Variants in CACNG6 observed in about 807,000 individuals in gnomAD.
CACNG6 encodes the protein voltage-dependent calcium channel gamma-6 subunit.
CACNG6 carries 21 observed loss-of-function variants against 23.9 expected under a neutral mutation model. The observed-to-expected ratio is 0.88, with a 90% CI of 0.62 to 1.26. The LOEUF (loss-of-function observed/expected upper bound fraction) is 1.26, where lower values mean the gene tolerates loss of function less well. Ranked by LOEUF, CACNG6 falls within the 50% of genes most tolerant of loss-of-function variation. The probability of loss-of-function intolerance (pLI) is 0.00; values close to 1 mark genes in which losing one functional copy is unlikely to be tolerated. For missense variants in CACNG6, 340 were observed against 352.9 expected, an observed-to-expected ratio of 0.96 and a Z score of 0.29; for synonymous variants, 182 against 168.9, an observed-to-expected ratio of 1.08 and a Z score of -0.60.
intron 3 of CACNG6, among the ~76,000 whole-genome samples, chr19:54,003,475 C>T (rs1414932409): frequency 6.6e-6 from 1 of 152,108 alleles, no homozygotes. Flanking sequence ...ATTCTCCTGC[C>T]ACAGCCTCGG....
At position 53,993,054 on chromosome 19, in the gene CACNG6, C is replaced by A; in HGVS notation, c.177C>A (p.Thr59=). 6.6e-7 allele frequency: 1 copy of A among 1,510,446 alleles called. No individual in the cohort carries two copies. Among genetic ancestry groups the A allele is most frequent in the Non-Finnish European group, 8.9e-7 (1 of 1,129,474 alleles). 93.6% of individuals were successfully genotyped at this position (1,510,446 alleles called of 1,614,324 possible). ...CGCTGGCGGTGCTGTCCGTGGGCACCGAGTTCTGGGTGGAGCTCAACACCT... is the reference window on the plus strand; with the variant it reads ...CGCTGGCGGTGCTGTCCGTGGGCACAGAGTTCTGGGTGGAGCTCAACACCT... ...GATLAVLSVG[T]EFWVELNTYK... Residue 59 remains threonine (T), a synonymous_variant, in exon 1 of 4, where the codon ACC becomes ACA. Coordinates refer to ENST00000252729, the MANE Select transcript of CACNG6 (RefSeq NM_145814.2).
At chr19:54,004,961 CAACACTTTGGGAGGCCGAGGCAG>C (rs148719750) in intron 3 of CACNG6, among the ~76,000 whole-genome samples, 3,915 of 151,842 alleles carry the variant, frequency 0.026, 172 homozygotes, top group African/African-American at 0.089. Context: ...CCTGTAATCC[CAACACTTTGGGAGGCCGAGGCAG>C]GTGGCTCACA....
intron 1 of CACNG6, among the ~76,000 whole-genome samples, chr19:53,994,692 T>G (rs1419257141): frequency 6.6e-6 from 1 of 152,162 alleles, no homozygotes; most frequent in Non-Finnish European, 1.5e-5. Flanking sequence ...CGTATGAGAT[T>G]TCCCTCGTCC....
At chr19:54,010,040 C>CTTTT (rs34229634) in intron 3 of CACNG6, among the ~76,000 whole-genome samples, 22 of 125,352 alleles carry the variant, frequency 1.8e-4, no homozygotes, top group African/African-American at 2.3e-4. Flanking sequence ...TCTTTTCTTT[C>CTTTT]TTTTTTTTTT....
At chr19:54,005,301 C>T (rs1354922693) in intron 3 of CACNG6, among the ~76,000 whole-genome samples, 1 of 151,166 alleles carries the variant, frequency 6.6e-6, no homozygotes, top group Non-Finnish European at 1.5e-5. Context: ...TGGCTCACGC[C>T]TGCAATCCCA....
Position 54,012,104 on chromosome 19 carries a change from TG to T in CACNG6, c.703del (p.Ala235ProfsTer41). ...GTGGGGGCCGGCCTGATCCTGCTGT[TG>T]GGGGCCGGCTGCTTTCTGCTGCTCA... ...CGVGAGLILL[L>X]GAGCFLLLTL... On this transcript the variant is annotated frameshift_variant, in exon 4 of 4. Transcript: ENST00000252729. LOFTEE classifies it high-confidence loss of function. The T allele has an allele frequency of 6.3e-7, 1 of 1,575,542 alleles. No individual in the cohort carries two copies.
intron 3 of CACNG6, 105 bp from the exon 4 acceptor site, chr19:54,011,846 G>A: frequency 1.5e-6 from 1 of 647,720 alleles, no homozygotes; most frequent in Admixed American, 3.3e-5. Flanking sequence ...GTGCACGCGT[G>A]GGAAGGTGCC....
In CACNG6 at chr19:53,998,224, C is replaced by T; in HGVS notation, c.332-15C>T. ...TCACATCCTCATGTCTGTTTTCTCT[C>T]TCCTGCTCCCACAGAAGCAAACTGC... On this transcript the variant is annotated splice_polypyrimidine_tract_variant and intron_variant, in intron 1 of 3. Coordinates refer to ENST00000252729, the MANE Select transcript of CACNG6 (RefSeq NM_145814.2). 2 of 1,611,810 alleles carry T rather than the reference C, an allele frequency of 1.2e-6. No homozygotes were observed. The highest frequency in any genetic ancestry group is 1.7e-6 in the Non-Finnish European group (2 of 1,177,924).
intron 3 of CACNG6, among the ~76,000 whole-genome samples, chr19:54,004,801 C>G (rs1043280277): frequency 6.6e-6 from 1 of 152,120 alleles, no homozygotes; most frequent in African/African-American, 2.4e-5. Flanking sequence ...CTCGTTTCCT[C>G]GCATTGTTTA....
intron 3 of CACNG6, among the ~76,000 whole-genome samples, chr19:54,004,124 T>C (rs1451634132): frequency 6.6e-6 from 1 of 151,976 alleles, no homozygotes; most frequent in Non-Finnish European, 1.5e-5. Flanking sequence ...CCCAAACTAT[T>C]GGGATGACAG....
chr19:54,006,120 A>AAATAAATAAATAAATAAAT (rs371151424), intron 3 of CACNG6, among the ~76,000 whole-genome samples: 2 of 150,558 alleles, frequency 1.3e-5, no homozygotes, highest in Admixed American at 6.6e-5. Context: ...ATAAATAAAT[A>AAATAAATAAATAAATAAAT]AAATAAGAAA....
At chr19:53,991,291 C>T (rs2069455688), upstream of CACNG6, among the ~76,000 whole-genome samples, 1 of 151,708 alleles carries the variant, frequency 6.6e-6, no homozygotes, top group Non-Finnish European at 1.5e-5. Flanking sequence ...GGCCCTCCTC[C>T]CTGAGACCCG....
chr19:54,002,360 C>T (rs1165212362), intron 3 of CACNG6, among the ~76,000 whole-genome samples: 4 of 148,324 alleles, frequency 2.7e-5, no homozygotes, highest in South Asian at 2.1e-4. Flanking sequence ...TCAAGTGATC[C>T]GCCCACCTCG....
At chr19:54,011,907 T>C in intron 3 of CACNG6, 44 bp from the exon 4 acceptor site, 1 of 1,346,570 alleles carries the variant, frequency 7.4e-7, no homozygotes, top group Non-Finnish European at 9.8e-7. Context: ...CAGACACAGC[T>C]GGGGTCGCGG....
At chr19:54,011,430 C>CAAAAAAAAAAAAAAA (rs59105087) in intron 3 of CACNG6, among the ~76,000 whole-genome samples, 1 of 100,586 alleles carries the variant, frequency 9.9e-6, no homozygotes, top group Non-Finnish European at 2.0e-5. Context: ...GACTCCGTCT[C>CAAAAAAAAAAAAAAA]AAAAAAAAAA....
chr19:54,003,655 C>G (rs2145961374), intron 3 of CACNG6, among the ~76,000 whole-genome samples: 1 of 152,280 alleles, frequency 6.6e-6, no homozygotes, highest in Non-Finnish European at 1.5e-5. Flanking sequence ...GCCACCCTGC[C>G]TAGCCATCCA....
At chr19:54,000,158 G>A (rs1185530719) in intron 3 of CACNG6, among the ~76,000 whole-genome samples, 1 of 152,208 alleles carries the variant, frequency 6.6e-6, no homozygotes. Flanking sequence ...GAAAGCGCAA[G>A]GACTATAGAG....
Position 53,997,806 on chromosome 19 carries a change from G to A in CACNG6, c.332-433G>A, listed in dbSNP as rs547881121. Reference sequence around the variant, plus strand: ...CGCAGGAGCTCTTTGTGTGTTCTAGGTAGGAATCCTTCCTGAGACAGGATT... The same window carrying A: ...CGCAGGAGCTCTTTGTGTGTTCTAGATAGGAATCCTTCCTGAGACAGGATT... On this transcript the variant is annotated intron_variant, in intron 1 of 3. Transcript: ENST00000252729. 1.7e-4 allele frequency among the ~76,000 whole-genome samples: 26 copies of A among 152,208 alleles called. No homozygotes were observed. The South Asian group carries it at 4.6e-3, about 27-fold the overall frequency.
intron 1 of CACNG6, among the ~76,000 whole-genome samples, chr19:53,994,387 T>A (rs183931648): frequency 1.3e-3 from 195 of 152,210 alleles, no homozygotes; most frequent in African/African-American, 4.6e-3. Context: ...CTCCCTCCTT[T>A]CCCAAATCAT....
Sources: allele counts gnomAD v4.1 joint callset (sites outside exome capture counted in the v4.1 genomes callset), GRCh38; gene constraint gnomAD v4.1.1; transcripts MANE v1.5; gene names NCBI Gene and HGNC (gene_info 2026-07-23, HGNC 2026-07-21).